ELMOD3: variants seen among roughly 807,000 people sequenced by gnomAD.
The protein encoded by ELMOD3 is ELMO domain containing 3, also known as ELMO domain-containing protein 3.
A neutral mutation model predicts 47.4 loss-of-function variants in ELMOD3; 36 were observed. The observed-to-expected ratio is 0.76, with a 90% CI of 0.58 to 1.00. ELMOD3 has a LOEUF of 1.00. ELMOD3 is among the 50% of genes least tolerant of loss of function. The pLI, the probability that ELMOD3 is intolerant of heterozygous loss-of-function variation, is 0.00. For missense variants in ELMOD3, 404 were observed against 463.8 expected (o/e 0.87, Z 1.18); for synonymous variants, 149 against 183.5 (o/e 0.81, Z 1.52).
intron 11 of ELMOD3, chr2:85,387,317 C>A: frequency 1.2e-6 from 1 of 847,082 alleles, no homozygotes; most frequent in Non-Finnish European, 1.5e-6. Flanking sequence ...GTAATGCTCA[C>A]AGCAACTCTG....
intron 11 of ELMOD3, chr2:85,387,160 T>C (rs1413710137): frequency 7.7e-7 from 1 of 1,293,448 alleles, no homozygotes; most frequent in Admixed American, 2.4e-5. Flanking sequence ...AAATAGGCAA[T>C]ACCTGAAGGT....
At position 85,371,582 on chromosome 2, in the gene ELMOD3, C is replaced by T. The variant is rs139255752; in HGVS notation, c.607+20C>T. The T allele has an allele frequency of 1.9e-6, 3 of 1,613,650 alleles. No homozygotes were observed. Among genetic ancestry groups the T allele is most frequent in the African/African-American group, 2.7e-5 (2 of 75,014 alleles). ...TTCAGGGTAAGAGGGAGGAGTAGCT[C>T]ATCTTCTTTTTCATGCCTCTGATTC... On this transcript the variant is annotated intron_variant, in intron 10 of 13. Coordinates refer to ENST00000409013, the MANE Select transcript of ELMOD3 (RefSeq NM_001135022.2).
chr2:85,365,404 T>C (rs747224127), intron 6 of ELMOD3, among the ~76,000 whole-genome samples: 2 of 151,672 alleles, frequency 1.3e-5, no homozygotes, highest in Non-Finnish European at 2.9e-5. Flanking sequence ...AATTAATAAA[T>C]AAGCTGACTC....
Position 85,390,268 on chromosome 2 carries a change from G to T in ELMOD3, c.943+3G>T. 5.6e-6 allele frequency: 9 copies of T among 1,614,176 alleles called. No homozygotes were observed. The highest frequency in any genetic ancestry group is 7.6e-6 in the Non-Finnish European group (9 of 1,180,038). ...AGACTCGGGCTTTGTCCTCAAAGGTGTGCTCTTTCTTCTGGGGAGGCCTAG... is the reference window on the plus strand; with the variant it reads ...AGACTCGGGCTTTGTCCTCAAAGGTTTGCTCTTTCTTCTGGGGAGGCCTAG... On this transcript the variant is annotated splice_donor_region_variant and intron_variant, in intron 13 of 13. Transcript: ENST00000409013.
At chr2:85,363,423 T>C (rs1386499287) in intron 6 of ELMOD3, among the ~76,000 whole-genome samples, 3 of 152,190 alleles carry the variant, frequency 2.0e-5, no homozygotes, top group Non-Finnish European at 4.4e-5. Flanking sequence ...TCCCTTATCC[T>C]CAAAGGGATG....
chr2:85,363,263 G>A (rs1484303098), intron 6 of ELMOD3, 97 bp downstream of exon 6: 20 of 709,974 alleles, frequency 2.8e-5, no homozygotes, highest in Non-Finnish European at 4.3e-5. Context: ...CTCACTCCTT[G>A]TCTTTCAGAA....
At chr2:85,389,264 T>A (rs955904092) in intron 11 of ELMOD3, among the ~76,000 whole-genome samples, 1 of 152,172 alleles carries the variant, frequency 6.6e-6, no homozygotes, top group African/African-American at 2.4e-5. Context: ...ACGTGCGTCT[T>A]CTCTGTCTTA....
chr2:85,371,688 G>T, intron 10 of ELMOD3, 126 bp downstream of exon 10: 1 of 1,424,372 alleles, frequency 7.0e-7, no homozygotes, highest in Non-Finnish European at 9.5e-7. Context: ...CGGGAAGAGG[G>T]TGCAGCAAAT....
chr2:85,390,447 C>T, intron 13 of ELMOD3, 182 bp downstream of exon 13: 1 of 1,614,164 alleles, frequency 6.2e-7, no homozygotes, highest in Non-Finnish European at 8.5e-7. Flanking sequence ...CTTTCTCTGC[C>T]CTGACTGTCG....
chr2:85,368,513 A>G (rs1314587049), intron 6 of ELMOD3, 173 bp from the exon 7 acceptor site: 4 of 613,616 alleles, frequency 6.5e-6, no homozygotes, highest in South Asian at 3.9e-5. Flanking sequence ...GTGCTGATCA[A>G]TAGTGGGATC....
chr2:85,376,568 C>T lies in ELMOD3; in HGVS notation c.608-776C>T, dbSNP rs996067293. Among the ~76,000 whole-genome samples the T allele has an allele frequency of 4.6e-5, 7 of 152,178 alleles. No homozygotes were observed. Among genetic ancestry groups the T allele is most frequent in the African/African-American group, 9.7e-5 (4 of 41,430 alleles). ...AAAGATAAAGTCCCAGCTCCCTGCC[C>T]GGCCTTCTCTGACGCTACCCTTGTG... On this transcript the variant is annotated intron_variant, in intron 10 of 13. Coordinates refer to ENST00000409013, the MANE Select transcript of ELMOD3 (RefSeq NM_001135022.2). The surrounding 1 kb of genome is among the most constrained non-coding windows in gnomAD (Gnocchi z 4.2).
chr2:85,357,092 T>C lies in ELMOD3; in HGVS notation c.-107T>C. ...GAGTGACTGCCAAGGAAGGCAAAGGTAGAGCAACTGGATCTCTGGCTCTCC... is the reference window on the plus strand; with the variant it reads ...GAGTGACTGCCAAGGAAGGCAAAGGCAGAGCAACTGGATCTCTGGCTCTCC... On this transcript the variant is annotated 5_prime_UTR_variant, in exon 4 of 14. The change abolishes the stop of an existing upstream ORF in the 5' untranslated region. Transcript: ENST00000409013. 1.4e-6 allele frequency: 1 copy of C among 733,586 alleles called. No homozygotes were observed. Among genetic ancestry groups the C allele is most frequent in the Non-Finnish European group, 2.3e-6 (1 of 432,018 alleles). The allele number at this position is 733,586 out of a possible 1,614,324, so 45.4% of individuals were successfully genotyped here.
intron 6 of ELMOD3, among the ~76,000 whole-genome samples, chr2:85,364,825 A>ATATATTTTTT (rs375582916): frequency 1.7e-4 from 12 of 69,894 alleles, no homozygotes; most frequent in African/African-American, 3.3e-4. Context: ...ATATATATAT[A>ATATATTTTTT]TTTTTTTTTT....
intron 6 of ELMOD3, among the ~76,000 whole-genome samples, chr2:85,367,930 T>G (rs1292861359): frequency 6.6e-6 from 1 of 151,696 alleles, no homozygotes; most frequent in South Asian, 2.1e-4. Context: ...TTTTTTTTTT[T>G]GAGGTGGAGT....
At chr2:85,358,148 G>A (rs1002650771) in intron 4 of ELMOD3, among the ~76,000 whole-genome samples, 4 of 151,804 alleles carry the variant, frequency 2.6e-5, no homozygotes, top group Admixed American at 2.0e-4. Flanking sequence ...GCATGGTGGT[G>A]CATGCCTGTA....
intron 4 of ELMOD3, among the ~76,000 whole-genome samples, chr2:85,359,732 G>A (rs771124811): frequency 2.6e-5 from 4 of 151,960 alleles, no homozygotes; most frequent in Non-Finnish European, 2.9e-5. Flanking sequence ...GCCTGGTGAC[G>A]TTTTTCTGTT....
chr2:85,369,924 A>G (rs1684671961), intron 8 of ELMOD3, 94 bp downstream of exon 8: 1 of 1,464,142 alleles, frequency 6.8e-7, no homozygotes, highest in Admixed American at 2.1e-5. Context: ...TGGGCAAGCA[A>G]ATCTCCCCTA....
At chr2:85,388,100 G>T (rs1398944793) in intron 11 of ELMOD3, among the ~76,000 whole-genome samples, 7 of 152,044 alleles carry the variant, frequency 4.6e-5, no homozygotes, top group African/African-American at 7.2e-5. Context: ...TGGAATCACA[G>T]AGGGAAAGCT....
chr2:85,371,058 T>C (rs767121154), intron 8 of ELMOD3, 28 bp from the exon 9 acceptor site: 1 of 1,610,672 alleles, frequency 6.2e-7, no homozygotes, highest in South Asian at 1.1e-5. Flanking sequence ...ACCAGCATTC[T>C]GCCCATTGCC....
Sources: allele counts gnomAD v4.1 joint callset (sites outside exome capture counted in the v4.1 genomes callset), GRCh38; gene constraint gnomAD v4.1.1; non-coding constraint Gnocchi (gnomAD v3.1); transcripts MANE v1.5; gene names NCBI Gene and HGNC (gene_info 2026-07-23, HGNC 2026-07-21).